Variants in MCTP2 observed in about 807,000 individuals in gnomAD.
The protein encoded by MCTP2 is multiple C2 and transmembrane domain containing 2, also known as multiple C2 and transmembrane domain-containing protein 2.
A neutral mutation model predicts 111.6 loss-of-function variants in MCTP2; 132 were observed. The ratio of observed to expected loss-of-function variants is 1.18; its 90% CI spans 1.03 to 1.37. The LOEUF (loss-of-function observed/expected upper bound fraction) is 1.37. Ranked by LOEUF, MCTP2 falls within the 40% of genes most tolerant of loss-of-function variation. The probability of loss-of-function intolerance (pLI) is 0.00; values close to 1 mark genes in which losing one functional copy is unlikely to be tolerated. For missense variants in MCTP2, 1,183 were observed against 1,067.9 expected (o/e 1.11, Z -1.50); for synonymous variants, 395 against 387.7 (o/e 1.02, Z -0.22).
rs1465078737 is a variant in MCTP2, at chr15:94,398,957, A to G, written c.1789-4A>G. ...ATGTGTATTTTGTCTTTTGTTTGTG[A>G]CAGATTAGAGATGGACAACCGAATT... On this transcript the variant is annotated splice_region_variant and splice_polypyrimidine_tract_variant and intron_variant, in intron 14 of 22. Transcript: ENST00000357742. The G allele has an allele frequency of 3.3e-6, 5 of 1,511,834 alleles. No homozygotes were observed. In the Admixed American group the frequency reaches 8.6e-5, roughly 26 times the overall value. 93.7% of individuals were successfully genotyped at this position (1,511,834 alleles called of 1,614,324 possible). A position where few individuals can be genotyped will look rare whatever the true frequency, so the allele number is the denominator to read the frequency against.
intron 1 of MCTP2, among the ~76,000 whole-genome samples, chr15:94,256,123 A>G (rs1379620738): frequency 1.3e-5 from 2 of 152,220 alleles, no homozygotes; most frequent in African/African-American, 4.8e-5. Context: ...ATAATGACAC[A>G]GGTGGAAAAT....
At chr15:94,330,942 C>T (rs556773842) in intron 4 of MCTP2, among the ~76,000 whole-genome samples, 2 of 152,174 alleles carry the variant, frequency 1.3e-5, no homozygotes, top group African/African-American at 4.8e-5. Context: ...GCCATGTTGC[C>T]CAGGCTTGTC....
intron 1 of MCTP2, among the ~76,000 whole-genome samples, chr15:94,263,149 G>T (rs1174447873): frequency 6.6e-6 from 1 of 152,190 alleles, no homozygotes; most frequent in East Asian, 1.9e-4. Context: ...CTTCATAGTA[G>T]AATATAGACT....
At chr15:94,240,746 G>C (rs1025739411) in intron 1 of MCTP2, among the ~76,000 whole-genome samples, 3 of 152,170 alleles carry the variant, frequency 2.0e-5, no homozygotes, top group African/African-American at 7.2e-5. Flanking sequence ...TCTGATCCAA[G>C]TGATGCTGTA....
At chr15:94,232,455 G>A (rs2070247740) in intron 1 of MCTP2, among the ~76,000 whole-genome samples, 1 of 152,194 alleles carries the variant, frequency 6.6e-6, no homozygotes, top group African/African-American at 2.4e-5. Context: ...TGAGACGTTA[G>A]AACACTTGCT....
intron 1 of MCTP2, among the ~76,000 whole-genome samples, chr15:94,234,780 C>G (rs1249759127): frequency 1.3e-5 from 2 of 152,170 alleles, no homozygotes; most frequent in African/African-American, 4.8e-5. Context: ...AGGCGAAGTC[C>G]TGATTGTCAA....
At chr15:94,287,200 C>G (rs2074798984) in intron 1 of MCTP2, among the ~76,000 whole-genome samples, 1 of 150,918 alleles carries the variant, frequency 6.6e-6, no homozygotes, top group Admixed American at 6.6e-5. Flanking sequence ...CATTTTCAGG[C>G]ACAAAAGAGA....
intron 1 of MCTP2, among the ~76,000 whole-genome samples, chr15:94,233,681 C>A (rs966573071): frequency 6.6e-6 from 1 of 151,950 alleles, no homozygotes; most frequent in African/African-American, 2.4e-5. Flanking sequence ...GATGATCTGG[C>A]GAGGAATCAA....
At chr15:94,426,688 T>G (rs2082908684) in intron 17 of MCTP2, among the ~76,000 whole-genome samples, 1 of 152,170 alleles carries the variant, frequency 6.6e-6, no homozygotes, top group Non-Finnish European at 1.5e-5. Context: ...CTTTTGATTT[T>G]TGGTCATTGT....
intron 16 of MCTP2, 24 bp downstream of exon 16, chr15:94,400,019 T>G (rs1367561163): frequency 6.2e-7 from 1 of 1,606,258 alleles, no homozygotes; most frequent in Admixed American, 1.7e-5. Flanking sequence ...GTAGGTGGCT[T>G]GTTGATTGGT....
intron 3 of MCTP2, 146 bp downstream of exon 3, chr15:94,314,490 A>G (rs1404075850): frequency 6.4e-6 from 4 of 622,882 alleles, no homozygotes; most frequent in Admixed American, 6.0e-5. Flanking sequence ...AGGCCTTGCA[A>G]ATTTTCGCTG....
chr15:94,466,289 G>GAATACACCTATATTCCTTGGATTTTCA (rs2073289000), intron 20 of MCTP2, among the ~76,000 whole-genome samples: 1 of 151,994 alleles, frequency 6.6e-6, no homozygotes, highest in Non-Finnish European at 1.5e-5. Flanking sequence ...GCATTTTTAA[G>GAATACACCTATATTCCTTGGATTTTCA]AATACACCTA....
intron 14 of MCTP2, among the ~76,000 whole-genome samples, chr15:94,389,901 A>G (rs796181600): frequency 5.9e-5 from 9 of 151,938 alleles, no homozygotes; most frequent in African/African-American, 2.2e-4. Flanking sequence ...CTCACTCAAA[A>G]TGGTAATGTG....
At chr15:94,383,928 C>G in intron 12 of MCTP2, 94 bp from the exon 13 acceptor site, 1 of 905,116 alleles carries the variant, frequency 1.1e-6, no homozygotes, top group South Asian at 1.5e-5. Flanking sequence ...TTCCCTCTTT[C>G]AGCAAGCACA....
chr15:94,245,439 TAC>T (rs1473596221), intron 1 of MCTP2, among the ~76,000 whole-genome samples: 8 of 138,596 alleles, frequency 5.8e-5, no homozygotes, highest in Admixed American at 3.7e-4. Context: ...TATTTATATA[TAC>T]ACATATATGT....
intron 1 of MCTP2, among the ~76,000 whole-genome samples, chr15:94,282,421 A>G (rs567730676): frequency 1.3e-5 from 2 of 152,286 alleles, no homozygotes; most frequent in South Asian, 2.1e-4. Flanking sequence ...TAAAATGATT[A>G]TGACATCTTT....
rs1001532305 is a variant in MCTP2 at position 94,234,029 on chromosome 15, AT to A, written c.-66+2375del. ...TTTGCCTGCGTCAATCTTGGCACAG[AT>A]TTTTTTTTTCCCTCTATCTTCACGT... On this transcript the variant is annotated intron_variant, in intron 1 of 22. Transcript: ENST00000357742. Among the ~76,000 whole-genome samples the A allele has an allele frequency of 5.3e-4, 79 of 150,458 alleles. No homozygotes were observed. The South Asian group carries it at 9.5e-3, about 18-fold the overall frequency.
At chr15:94,420,660 A>G (rs182046003) in intron 17 of MCTP2, among the ~76,000 whole-genome samples, 188 of 152,284 alleles carry the variant, frequency 1.2e-3, no homozygotes, top group African/African-American at 4.3e-3. Flanking sequence ...ATGTGACTGA[A>G]TTGCTATAAT....
intron 1 of MCTP2, among the ~76,000 whole-genome samples, chr15:94,245,951 A>G (rs1191974552): frequency 6.6e-6 from 1 of 152,036 alleles, no homozygotes; most frequent in Non-Finnish European, 1.5e-5. Context: ...CATCTTCATG[A>G]AAAGATTATT....
Sources: gnomAD v4.1 joint callset for allele counts (sites outside exome capture counted in the v4.1 genomes callset) on GRCh38, gnomAD v4.1.1 for gene constraint, MANE v1.5 for transcripts, NCBI Gene and HGNC (gene_info 2026-07-23, HGNC 2026-07-21) for gene names.